Variants in CNTN5 observed in about 807,000 individuals in gnomAD.
The protein encoded by CNTN5 is contactin-5.
A neutral mutation model predicts 129.1 loss-of-function variants in CNTN5; 77 were observed. That is an observed-to-expected ratio of 0.60 (90% CI 0.50 to 0.72). The LOEUF (loss-of-function observed/expected upper bound fraction) is 0.72, where lower values mean the gene tolerates loss of function less well. CNTN5 is among the 30% of genes least tolerant of loss of function. The probability of loss-of-function intolerance (pLI) is 0.00; values close to 1 mark genes in which losing one functional copy is unlikely to be tolerated. For synonymous variants in CNTN5, 509 were observed against 465.6 expected (o/e 1.09, Z -1.20); for missense variants, 1,478 against 1,328.8 (o/e 1.11, Z -1.75).
intron 3 of CNTN5, among the ~76,000 whole-genome samples, chr11:99,664,029 A>G (rs1330784328): frequency 6.6e-6 from 1 of 152,146 alleles, no homozygotes; most frequent in Non-Finnish European, 1.5e-5. Context: ...TGCTCAATAC[A>G]TGGCTAGTGT....
intron 8 of CNTN5, among the ~76,000 whole-genome samples, chr11:99,999,103 C>T (rs1192201324): frequency 6.6e-6 from 1 of 151,902 alleles, no homozygotes; most frequent in African/African-American, 2.4e-5. Flanking sequence ...TGGGCAAGGA[C>T]TTCATGTCTA....
intron 6 of CNTN5, among the ~76,000 whole-genome samples, chr11:99,859,163 T>C (rs1379428294): frequency 6.6e-6 from 1 of 152,206 alleles, no homozygotes; most frequent in African/African-American, 2.4e-5. Flanking sequence ...CTCTAAATCA[T>C]CTGAACCATC....
intron 8 of CNTN5, among the ~76,000 whole-genome samples, chr11:99,969,597 T>A (rs1448904188): frequency 6.6e-6 from 1 of 152,158 alleles, no homozygotes; most frequent in African/African-American, 2.4e-5. Flanking sequence ...GTCAGGTTAC[T>A]TTTAATCAAA....
intron 13 of CNTN5, among the ~76,000 whole-genome samples, chr11:100,185,675 G>C (rs1290474707): frequency 1.3e-5 from 2 of 152,156 alleles, no homozygotes; most frequent in African/African-American, 2.4e-5. Flanking sequence ...CTTCTAAGAA[G>C]TAATTAAAGT....
intron 6 of CNTN5, among the ~76,000 whole-genome samples, chr11:99,862,079 A>G (rs1011333900): frequency 2.0e-5 from 3 of 152,136 alleles, no homozygotes; most frequent in East Asian, 1.9e-4. Flanking sequence ...CTTGTATGCT[A>G]TAGTAAATAT....
chr11:100,273,416 C>T (rs772394150), intron 18 of CNTN5, among the ~76,000 whole-genome samples: 6 of 152,138 alleles, frequency 3.9e-5, no homozygotes, highest in Non-Finnish European at 5.9e-5. Flanking sequence ...GCTCCCCTTC[C>T]CCTGCCAACC....
At chr11:99,480,326 G>A (rs1945543104) in intron 2 of CNTN5, among the ~76,000 whole-genome samples, 1 of 152,184 alleles carries the variant, frequency 6.6e-6, no homozygotes, top group African/African-American at 2.4e-5. Context: ...CCAACATTTG[G>A]TCAGGTAAAG....
chr11:99,939,370 A>T (rs575137435), intron 7 of CNTN5, among the ~76,000 whole-genome samples: 1 of 152,210 alleles, frequency 6.6e-6, no homozygotes, highest in Admixed American at 6.6e-5. Flanking sequence ...GTTATTTTAA[A>T]AACGTGAAAA....
At chr11:100,123,337 T>A (rs761597256) in intron 13 of CNTN5, among the ~76,000 whole-genome samples, 23 of 152,048 alleles carry the variant, frequency 1.5e-4, no homozygotes, top group Non-Finnish European at 2.8e-4. Context: ...TATATATGTC[T>A]AGTCTTAATA....
intron 9 of CNTN5, among the ~76,000 whole-genome samples, chr11:100,029,107 T>C (rs894408886): frequency 2.0e-5 from 3 of 152,106 alleles, no homozygotes; most frequent in African/African-American, 7.2e-5. Flanking sequence ...CATTAGTTTT[T>C]CTGCCTTAAC....
At chr11:100,118,128 G>A (rs1208653721) in intron 13 of CNTN5, among the ~76,000 whole-genome samples, 2 of 151,646 alleles carry the variant, frequency 1.3e-5, no homozygotes, top group Admixed American at 1.3e-4. Flanking sequence ...TCTATGGTAT[G>A]AGATAAATAT....
At chr11:99,819,504 T>C in intron 3 of CNTN5, 40 bp from the exon 4 acceptor site, 2 of 1,527,560 alleles carry the variant, frequency 1.3e-6, no homozygotes, top group Non-Finnish European at 1.8e-6. Context: ...TAAACTAGTT[T>C]CCTCAAAATT....
At chr11:99,212,651 T>C (rs1859866428) in intron 1 of CNTN5, among the ~76,000 whole-genome samples, 1 of 152,120 alleles carries the variant, frequency 6.6e-6, no homozygotes, top group Non-Finnish European at 1.5e-5. Context: ...TATTTATTCT[T>C]TTCTATATAA....
intron 13 of CNTN5, among the ~76,000 whole-genome samples, chr11:100,137,090 T>G (rs1226693973): frequency 6.6e-6 from 1 of 152,010 alleles, no homozygotes; most frequent in Non-Finnish European, 1.5e-5. Context: ...CTATGGCATA[T>G]AAAAGATTTA....
chr11:99,286,679 T>C (rs1485527005), intron 1 of CNTN5, among the ~76,000 whole-genome samples: 1 of 152,186 alleles, frequency 6.6e-6, no homozygotes, highest in Non-Finnish European at 1.5e-5. Context: ...GAATACTTTC[T>C]TGTTTCCTGG....
chr11:99,867,943 G>A (rs370331551), intron 6 of CNTN5, among the ~76,000 whole-genome samples: 5 of 152,210 alleles, frequency 3.3e-5, no homozygotes, highest in African/African-American at 9.6e-5. Flanking sequence ...GGCCAAGCGC[G>A]GTGGCTCACA....
At chr11:99,396,183 G>T (rs987133784) in intron 2 of CNTN5, among the ~76,000 whole-genome samples, 26 of 151,366 alleles carry the variant, frequency 1.7e-4, no homozygotes, top group African/African-American at 4.6e-4. Context: ...ATCATGGAAT[G>T]TTTTTTTCAT....
chr11:99,672,043 A>C (rs754477699), intron 3 of CNTN5, among the ~76,000 whole-genome samples: 52 of 152,068 alleles, frequency 3.4e-4, no homozygotes, highest in Non-Finnish European at 6.2e-4. Flanking sequence ...AGCGGTATCC[A>C]AAATGACATG....
At chr11:99,104,641 C>CTT (rs33928075) in intron 1 of CNTN5, among the ~76,000 whole-genome samples, 37,557 of 151,202 alleles carry the variant, frequency 0.25, 5,059 homozygotes, top group Middle Eastern at 0.31. Context: ...CACACACACA[C>CTT]GTGTATATAT....
Sources: allele counts gnomAD v4.1 joint callset (sites outside exome capture counted in the v4.1 genomes callset), GRCh38; gene constraint gnomAD v4.1.1; transcripts MANE v1.5; gene names NCBI Gene and HGNC (gene_info 2026-07-23, HGNC 2026-07-21).